COL4A2: variants seen among roughly 807,000 people sequenced by gnomAD.
The protein encoded by COL4A2 is collagen alpha-2(IV) chain.
A neutral mutation model predicts 200.2 loss-of-function variants in COL4A2; 99 were observed. The observed-to-expected ratio is 0.49, with a 90% CI of 0.42 to 0.58. The LOEUF is 0.58. Ranked by LOEUF, COL4A2 falls within the 20% of genes least tolerant of loss-of-function variation. COL4A2 has a pLI of 0.00. For synonymous variants in COL4A2, 897 were observed against 900.6 expected (o/e 1.00, Z 0.07); for missense variants, 1,950 against 2,314.1 (o/e 0.84, Z 3.23).
intron 4 of COL4A2, among the ~76,000 whole-genome samples, chr13:110,403,401 C>T (rs1478759082): frequency 2.0e-5 from 3 of 152,206 alleles, no homozygotes; most frequent in African/African-American, 7.2e-5. Context: ...GCTCAGAAGT[C>T]TACCTTCCAC....
intron 4 of COL4A2, among the ~76,000 whole-genome samples, chr13:110,405,193 TG>T (rs1223743634): frequency 1.3e-5 from 2 of 152,222 alleles, no homozygotes; most frequent in Non-Finnish European, 2.9e-5. Flanking sequence ...GAGGGAGATC[TG>T]GGCTACAGAG....
intron 3 of COL4A2, among the ~76,000 whole-genome samples, chr13:110,330,437 C>T (rs1281499042): frequency 6.6e-6 from 1 of 152,168 alleles, no homozygotes; most frequent in African/African-American, 2.4e-5. Flanking sequence ...CAGAGCTCTT[C>T]CCAGCCAGAA....
intron 3 of COL4A2, among the ~76,000 whole-genome samples, chr13:110,316,807 C>G (rs1035645583): frequency 3.3e-5 from 5 of 152,178 alleles, no homozygotes; most frequent in Non-Finnish European, 5.9e-5. Context: ...AACCTCTGCT[C>G]TTAACCACTG....
At chr13:110,495,522 A>G in intron 40 of COL4A2, 55 bp downstream of exon 40, 1 of 1,583,664 alleles carries the variant, frequency 6.3e-7, no homozygotes, top group Non-Finnish European at 8.6e-7. Flanking sequence ...GAACCCACCC[A>G]GAGGTGGGGC....
rs539888944 is a variant in COL4A2 at position 110,491,965 on chromosome 13, C to T, written c.3455-105C>T. 4.1e-5 allele frequency: 39 copies of T among 960,570 alleles called. No homozygotes were observed. In the East Asian group the frequency reaches 4.1e-4, roughly 10 times the overall value. The allele number at this position is 960,570 out of a possible 1,614,324, so 59.5% of individuals were successfully genotyped here. A position where few individuals can be genotyped will look rare whatever the true frequency, so the allele number is the denominator to read the frequency against. ...CCTCCAACTGGCACTGCGGCCCTTC[C>T]GGCCCTCGGCCCCTCCCAGAGCGGC... On this transcript the variant is annotated intron_variant, in intron 37 of 47. Coordinates refer to ENST00000360467, the MANE Select transcript of COL4A2 (RefSeq NM_001846.4).
In COL4A2 at chr13:110,446,821, C is replaced by CCCTGGA; in HGVS notation, c.1037_1042dup (p.Pro346_Gly347dup). ...AGGGAGAAGCCGGAGACCCAGGGCC[C>CCCTGGA]CCTGGACTACCTGCCTACTCCCCTC... On this transcript the variant is annotated inframe_insertion, in exon 18 of 48. Coordinates refer to ENST00000360467, the MANE Select transcript of COL4A2 (RefSeq NM_001846.4). 6.2e-7 allele frequency: 1 copy of CCCTGGA among 1,612,872 alleles called. No homozygotes were observed. Among genetic ancestry groups the CCCTGGA allele is most frequent in the Non-Finnish European group, 8.5e-7 (1 of 1,179,006 alleles).
rs909584374 is a variant in COL4A2 at position 110,317,689 on chromosome 13, A to G, written c.99+9566A>G. Among the ~76,000 whole-genome samples the G allele has an allele frequency of 2.0e-5, 3 of 152,180 alleles. No homozygotes were observed. The East Asian group carries it at 5.8e-4, about 29-fold the overall frequency. ...GCAGAACCAAGAGTCCTGCAGACAC[A>G]ACCCCCAACCGGCCCTCTCCAAGTC... is the stretch of plus-strand genomic sequence containing the variant. On this transcript the variant is annotated intron_variant, in intron 3 of 47. Coordinates refer to ENST00000360467, the MANE Select transcript of COL4A2 (RefSeq NM_001846.4).
At chr13:110,504,339 AG>A (rs1005536214) in intron 45 of COL4A2, 75 bp downstream of exon 45, 1 of 1,292,082 alleles carries the variant, frequency 7.7e-7, no homozygotes, top group Non-Finnish European at 1.1e-6. Context: ...GTCTGCAGGA[AG>A]GGGACACACG....
chr13:110,493,073 ACCCCCAT>A, intron 38 of COL4A2, 131 bp from the exon 39 acceptor site: 8 of 853,296 alleles, frequency 9.4e-6, no homozygotes, highest in South Asian at 4.2e-5. Context: ...GATGAGTGAC[ACCCCCAT>A]GGGTGAAATA....
chr13:110,358,291 A>G (rs1366410774), intron 4 of COL4A2, among the ~76,000 whole-genome samples: 4 of 152,192 alleles, frequency 2.6e-5, no homozygotes, highest in Non-Finnish European at 4.4e-5. Flanking sequence ...AGGATAATCA[A>G]TATCACTGTC....
In COL4A2 at chr13:110,492,325, A is replaced by G. The variant is rs413405; in HGVS notation, c.3562+148A>G. Reference sequence around the variant, plus strand: ...TCTGCTGTGGCTTACGGTGGTCTGCACCAACATAGCAGCACAGGGTATACT... The same window carrying G: ...TCTGCTGTGGCTTACGGTGGTCTGCGCCAACATAGCAGCACAGGGTATACT... On this transcript the variant is annotated intron_variant, in intron 38 of 47. Coordinates refer to ENST00000360467, the MANE Select transcript of COL4A2 (RefSeq NM_001846.4). 944 of 681,600 alleles carry G rather than the reference A, an allele frequency of 1.4e-3. 5 individuals are homozygous for G. In the African/African-American group the frequency reaches 0.015, roughly 11 times the overall value. The allele number at this position is 681,600 out of a possible 1,614,324, so 42.2% of individuals were successfully genotyped here.
chr13:110,408,705 T>G (rs1433566315), intron 4 of COL4A2, among the ~76,000 whole-genome samples: 1 of 152,132 alleles, frequency 6.6e-6, no homozygotes, highest in Non-Finnish European at 1.5e-5. Context: ...GCATTGCTCC[T>G]GCCTGGTGGA....
chr13:110,437,443 T>C (rs886918514), intron 13 of COL4A2, among the ~76,000 whole-genome samples: 1 of 152,190 alleles, frequency 6.6e-6, no homozygotes, highest in Admixed American at 6.5e-5. Context: ...GAATCCAAGG[T>C]ACCCTCAGAA....
chr13:110,315,106 C>A (rs964721958), intron 3 of COL4A2, among the ~76,000 whole-genome samples: 1 of 152,250 alleles, frequency 6.6e-6, no homozygotes, highest in Non-Finnish European at 1.5e-5. Flanking sequence ...CTCTGCCCGG[C>A]CCCTGCCAGT....
chr13:110,350,129 C>T (rs1439867836), intron 3 of COL4A2, among the ~76,000 whole-genome samples: 1 of 152,190 alleles, frequency 6.6e-6, no homozygotes, highest in African/African-American at 2.4e-5. Context: ...AAAAGAATTT[C>T]CATATATGAA....
At position 110,432,005 on chromosome 13, in the gene COL4A2, G is replaced by A. The variant is rs73617522; in HGVS notation, c.649-320G>A. Among the ~76,000 whole-genome samples, 3,084 of 152,306 alleles carry A rather than the reference G, an allele frequency of 0.02. 101 individuals are homozygous for A. Among genetic ancestry groups the A allele is most frequent in the African/African-American group, 0.07 (2,926 of 41,546 alleles). ...AGAGGAAGTCAGGGAAGCTGTCGCTGCAGTCACAGGGCCTGGGACCTTGCA... is the reference window on the plus strand; with the variant it reads ...AGAGGAAGTCAGGGAAGCTGTCGCTACAGTCACAGGGCCTGGGACCTTGCA... On this transcript the variant is annotated intron_variant, in intron 10 of 47. Transcript: ENST00000360467.
At chr13:110,322,522 C>G (rs949417101) in intron 3 of COL4A2, among the ~76,000 whole-genome samples, 15 of 152,102 alleles carry the variant, frequency 9.9e-5, no homozygotes, top group Non-Finnish European at 2.9e-5. Flanking sequence ...AGGGGATGGA[C>G]GCGTCAAGAC....
chr13:110,446,633 A>T (rs1008899626), intron 17 of COL4A2, among the ~76,000 whole-genome samples, 165 bp from the exon 18 acceptor site: 4 of 152,198 alleles, frequency 2.6e-5, no homozygotes, highest in African/African-American at 9.6e-5. Flanking sequence ...CTGCCACCCT[A>T]GCATGGGGAT....
chr13:110,468,072 C>T (rs947139131), intron 27 of COL4A2: 6 of 445,732 alleles, frequency 1.3e-5, no homozygotes, highest in South Asian at 8.1e-5. Context: ...CACTGCTTCC[C>T]GTGATAAACT....
Sources: gnomAD v4.1 joint callset for allele counts (sites outside exome capture counted in the v4.1 genomes callset) on GRCh38, gnomAD v4.1.1 for gene constraint, MANE v1.5 for transcripts, NCBI Gene and HGNC (gene_info 2026-07-23, HGNC 2026-07-21) for gene names.